KDM4B: variants seen among roughly 807,000 people sequenced by gnomAD.
KDM4B encodes lysine-specific demethylase 4B.
Under a neutral mutation model 125.2 loss-of-function variants are expected in KDM4B, and 32 were observed. The ratio of observed to expected loss-of-function variants is 0.26; its 90% CI spans 0.19 to 0.34. The LOEUF is 0.34. Among genes scored for constraint, KDM4B ranks in the 10% least tolerant of loss-of-function variants. The pLI, the probability that KDM4B is intolerant of heterozygous loss-of-function variation, is 1.00. For missense variants in KDM4B, 1,190 were observed against 1,577.7 expected, an observed-to-expected ratio of 0.75 and a Z score of 4.16; for synonymous variants, 721 against 677.9, an observed-to-expected ratio of 1.06 and a Z score of -0.99.
At chr19:5,134,562 A>G (rs1443647660) in intron 14 of KDM4B, among the ~76,000 whole-genome samples, 9 of 152,166 alleles carry the variant, frequency 5.9e-5, no homozygotes, top group African/African-American at 9.7e-5. Context: ...CATCCCAGGC[A>G]TCAGCACCCA....
At chr19:5,033,561 C>G (rs766119218) in intron 3 of KDM4B, among the ~76,000 whole-genome samples, 1 of 151,830 alleles carries the variant, frequency 6.6e-6, no homozygotes, top group Non-Finnish European at 1.5e-5. Flanking sequence ...GCCCCGGCAG[C>G]AGAGCAAGAC....
intron 11 of KDM4B, among the ~76,000 whole-genome samples, chr19:5,124,069 T>G (rs1395361263): frequency 6.6e-6 from 1 of 152,102 alleles, no homozygotes; most frequent in Admixed American, 6.5e-5. Flanking sequence ...CTTGTGAAGC[T>G]GCCCTTCTCA....
intron 8 of KDM4B, among the ~76,000 whole-genome samples, chr19:5,080,076 G>A (rs770228524): frequency 2.6e-5 from 4 of 152,138 alleles, no homozygotes; most frequent in African/African-American, 7.2e-5. Flanking sequence ...TTTCTGCCGC[G>A]TGCTCGTTCT....
At chr19:5,029,625 A>G (rs374773958) in intron 2 of KDM4B, among the ~76,000 whole-genome samples, 5 of 152,100 alleles carry the variant, frequency 3.3e-5, no homozygotes, top group Non-Finnish European at 7.4e-5. Context: ...CCAGGCGTTT[A>G]TTAGCAGCCA....
intron 21 of KDM4B, 25 bp from the exon 22 acceptor site, chr19:5,150,333 C>T (rs1289337727): frequency 6.5e-7 from 1 of 1,543,136 alleles, no homozygotes; most frequent in Non-Finnish European, 8.8e-7. Context: ...AGTGCCAGGC[C>T]CCTGAGAGCC....
At chr19:5,089,556 C>T (rs765194392) in intron 9 of KDM4B, among the ~76,000 whole-genome samples, 1 of 152,040 alleles carries the variant, frequency 6.6e-6, no homozygotes, top group Non-Finnish European at 1.5e-5. Flanking sequence ...TCTTGTGATT[C>T]CCGTTTTTTG....
chr19:5,102,990 C>T (rs2038967132), intron 9 of KDM4B, among the ~76,000 whole-genome samples: 2 of 152,254 alleles, frequency 1.3e-5, no homozygotes, highest in South Asian at 4.1e-4. Context: ...GTCGCCTCTC[C>T]TGGCAACGGC....
At chr19:5,067,959 C>T (rs2037826060) in intron 6 of KDM4B, among the ~76,000 whole-genome samples, 1 of 152,196 alleles carries the variant, frequency 6.6e-6, no homozygotes, top group South Asian at 2.1e-4. Flanking sequence ...CAAACTGCCT[C>T]CCCGTGTCAG....
chr19:5,090,426 CTCTCTCTCCCCCA>C (rs1480940287), intron 9 of KDM4B, among the ~76,000 whole-genome samples: 2 of 80,570 alleles, frequency 2.5e-5, no homozygotes, highest in Non-Finnish European at 5.0e-5. Flanking sequence ...CCCCCTCTGT[CTCTCTCTCCCCCA>C]TCTCTCTTCC....
chr19:5,086,886 C>T (rs930498087), intron 9 of KDM4B, among the ~76,000 whole-genome samples: 1 of 152,254 alleles, frequency 6.6e-6, no homozygotes, highest in Admixed American at 6.5e-5. Flanking sequence ...AGGTCTGCCC[C>T]CACAGGGCAG....
rs138284677 is a variant in KDM4B at position 5,109,581 on chromosome 19, T to G, written c.919-1041T>G. Among the ~76,000 whole-genome samples the G allele has an allele frequency of 9.9e-3, 1,502 of 152,252 alleles. 10 individuals are homozygous for G. The highest frequency in any genetic ancestry group is 0.015 in the Non-Finnish European group (1,040 of 68,024). On this transcript the variant is annotated intron_variant, in intron 9 of 22. Transcript: ENST00000159111. ...TTCCCAAACACAAGGGGCCATCCTA[T>G]TGGGTGTTTGCTCAATTCCCCCAAG... is the stretch of plus-strand genomic sequence containing the variant.
chr19:5,119,733 C>A lies in KDM4B; in HGVS notation c.1196C>A (p.Ala399Glu), dbSNP rs368897143. 197 of 1,550,434 alleles carry A rather than the reference C, an allele frequency of 1.3e-4. No homozygotes were observed. The highest frequency in any genetic ancestry group is 2.2e-4 in the Admixed American group (11 of 51,076). ...CCTGGGGAGGGTACGGCTGGGGCAG[C>A]GCTCCTAGAGGAGGCTGGGGGCAGC... ...KFPGEGTAGA[A>E]LLEEAGGSVK... Residue 399 changes from alanine (A) to glutamate (E), a missense_variant, in exon 11 of 23, where the codon GCG (alanine) becomes GAG (glutamate). Ala to Glu is a moderately radical substitution (Grantham distance 107). This residue lies in a region of KDM4B where 428 missense variants were observed against 405.1 expected (regional missense o/e 1.06). Coordinates refer to ENST00000159111, the MANE Select transcript of KDM4B (RefSeq NM_015015.3).
Position 5,078,776 on chromosome 19 carries a change from C to T in KDM4B, c.780+1306C>T, listed in dbSNP as rs1446456958. Reference sequence around the variant, plus strand: ...TGAACCTGAGCCAAAGGTGGCTCACCACCAGCCTCAGAGCGGCTGCTGGCA... The same window carrying T: ...TGAACCTGAGCCAAAGGTGGCTCACTACCAGCCTCAGAGCGGCTGCTGGCA... On this transcript the variant is annotated intron_variant, in intron 8 of 22. Coordinates refer to ENST00000159111, the MANE Select transcript of KDM4B (RefSeq NM_015015.3). This position sits in a 1 kb window ranked among gnomAD's most constrained non-coding sequence, Gnocchi z 4.5. 6.6e-6 allele frequency: 1 copy of T among 152,122 alleles called. No homozygotes were observed. The highest frequency in any genetic ancestry group is 1.5e-5 in the Non-Finnish European group (1 of 68,054). The allele number at this position is 152,122 out of a possible 1,614,324, so 9.4% of individuals were successfully genotyped here.
intron 6 of KDM4B, among the ~76,000 whole-genome samples, chr19:5,063,542 C>T (rs2037671306): frequency 6.6e-6 from 1 of 152,226 alleles, no homozygotes; most frequent in South Asian, 2.1e-4. Context: ...GACCTGGTCT[C>T]TTCAGGGTTT....
chr19:5,149,065 C>T (rs1361927321), intron 21 of KDM4B, among the ~76,000 whole-genome samples: 1 of 152,260 alleles, frequency 6.6e-6, no homozygotes, highest in African/African-American at 2.4e-5. Context: ...GAACCCACAG[C>T]AGACACTTGC....
At chr19:5,065,156 C>T (rs552738512) in intron 6 of KDM4B, among the ~76,000 whole-genome samples, 33 of 152,354 alleles carry the variant, frequency 2.2e-4, no homozygotes, top group Admixed American at 1.9e-3. Context: ...GGGGCCACAG[C>T]GCCTGCTTTG....
chr19:4,976,373 C>G (rs1177499615), intron 1 of KDM4B, among the ~76,000 whole-genome samples: 2 of 151,610 alleles, frequency 1.3e-5, no homozygotes, highest in East Asian at 3.9e-4. Context: ...AAAACAGCTA[C>G]AAACAGTGTA....
rs144852606 is a variant in KDM4B, at chr19:5,036,043, C to G, written c.141+3012C>G. Among the ~76,000 whole-genome samples the G allele has an allele frequency of 1.6e-3, 250 of 152,330 alleles. 1 individual carries two copies. Among genetic ancestry groups the G allele is most frequent in the Non-Finnish European group, 2.7e-3 (186 of 68,022 alleles). On this transcript the variant is annotated intron_variant, in intron 3 of 22. Transcript: ENST00000159111. ...GGGACAGATGGGCTCAGGGAAGCAT[C>G]TGCTCTGGCCCTGGGCAGCCCTGCG...
intron 6 of KDM4B, among the ~76,000 whole-genome samples, chr19:5,052,747 C>G (rs1051965437): frequency 2.0e-5 from 3 of 152,244 alleles, no homozygotes; most frequent in African/African-American, 7.2e-5. Context: ...GGTGATGGAG[C>G]TGGCGAGCCC....
Sources: allele counts gnomAD v4.1 joint callset (sites outside exome capture counted in the v4.1 genomes callset), GRCh38; gene constraint gnomAD v4.1.1; regional missense constraint gnomAD v4.1.1; non-coding constraint Gnocchi (gnomAD v3.1); transcripts MANE v1.5; gene names NCBI Gene and HGNC (gene_info 2026-07-23, HGNC 2026-07-21).